The following PRKG1 variants were observed in gnomAD, a reference collection of about 807,000 sequenced individuals.
PRKG1 encodes cGMP-dependent protein kinase 1.
A neutral mutation model predicts 88.1 loss-of-function variants in PRKG1; 35 were observed. The ratio of observed to expected loss-of-function variants is 0.40; its 90% CI spans 0.30 to 0.53. PRKG1 has a LOEUF of 0.53. Among genes scored for constraint, PRKG1 ranks in the 20% least tolerant of loss-of-function variants. PRKG1 has a pLI of 0.59. For missense variants in PRKG1, 540 were observed against 839.8 expected, an observed-to-expected ratio of 0.64 and a Z score of 4.41; for synonymous variants, 303 against 292.5, an observed-to-expected ratio of 1.04 and a Z score of -0.37.
intron 3 of PRKG1, among the ~76,000 whole-genome samples, chr10:51,545,252 A>T (rs1234253531): frequency 6.6e-6 from 1 of 152,114 alleles, no homozygotes. Context: ...ATATATAAAG[A>T]TCAAATTCAA....
At chr10:51,889,840 G>A (rs1172134139) in intron 4 of PRKG1, among the ~76,000 whole-genome samples, 1 of 152,098 alleles carries the variant, frequency 6.6e-6, no homozygotes, top group Non-Finnish European at 1.5e-5. Context: ...GTGTCTGTTG[G>A]CTGCATAAAT....
chr10:51,672,731 T>A (rs1248564395), intron 3 of PRKG1, among the ~76,000 whole-genome samples: 1 of 152,214 alleles, frequency 6.6e-6, no homozygotes. Context: ...CTGAGATATC[T>A]TCACTTGAGT....
At chr10:51,958,572 G>A (rs189691088) in intron 5 of PRKG1, among the ~76,000 whole-genome samples, 21 of 136,826 alleles carry the variant, frequency 1.5e-4, no homozygotes, top group Non-Finnish European at 3.1e-4. Context: ...TCAGTTGGAC[G>A]TCTACAGAGT....
chr10:51,242,284 A>G (rs1298914641), intron 2 of PRKG1, among the ~76,000 whole-genome samples: 1 of 152,180 alleles, frequency 6.6e-6, no homozygotes, highest in Non-Finnish European at 1.5e-5. Context: ...TGTTCAGAAC[A>G]AGAAGATAGA....
chr10:52,178,688 C>A (rs1172706317), intron 9 of PRKG1, among the ~76,000 whole-genome samples: 1 of 152,048 alleles, frequency 6.6e-6, no homozygotes, highest in African/African-American at 2.4e-5. Context: ...GCATTAAATG[C>A]ATATAGATTT....
In PRKG1 at chr10:51,361,217, C is replaced by G. The variant is rs148279409; in HGVS notation, c.479-106506C>G. Among the ~76,000 whole-genome samples, 270 of 152,044 alleles carry G rather than the reference C, an allele frequency of 1.8e-3. 6 individuals are homozygous for G. In the East Asian group the frequency reaches 0.044, roughly 25 times the overall value. ...CCACAGGTGCCACTGCCACCACTAA[C>G]GTCACTGCCATCCTCATTAGCATTT... On this transcript the variant is annotated intron_variant, in intron 2 of 17. Transcript: ENST00000373980.
At chr10:52,039,522 A>G (rs1442107869) in intron 5 of PRKG1, among the ~76,000 whole-genome samples, 2 of 152,118 alleles carry the variant, frequency 1.3e-5, no homozygotes, top group East Asian at 3.9e-4. Context: ...TGCAAATCAC[A>G]GGGGATGCGA....
chr10:51,114,544 C>A lies in PRKG1; in HGVS notation c.312-38620C>A, dbSNP rs562468924. Among the ~76,000 whole-genome samples the A allele has an allele frequency of 4.3e-4, 66 of 152,126 alleles. 2 individuals are homozygous for A. The South Asian group carries it at 8.7e-3, about 20-fold the overall frequency. ...ACAAGAGAAATATAAAGGTAAATAA[C>A]ACTTTTCCTTTTTTCAATTATTCCT... On this transcript the variant is annotated intron_variant, in intron 1 of 17. Transcript: ENST00000373980.
chr10:51,090,578 T>TA lies in PRKG1; in HGVS notation c.311+15684dup, dbSNP rs1259488181. Among the ~76,000 whole-genome samples, 4 of 152,268 alleles carry TA rather than the reference T, an allele frequency of 2.6e-5. No homozygotes were observed. In the East Asian group the frequency reaches 5.8e-4, roughly 22 times the overall value. On this transcript the variant is annotated intron_variant, in intron 1 of 17. Coordinates refer to ENST00000373980, the MANE Select transcript of PRKG1 (RefSeq NM_006258.4). ...TGAGCACTATGTATTTAAACCATGT[T>TA]AAAAAAATCATGAAAATAATTGTAT... is the stretch of plus-strand genomic sequence containing the variant.
chr10:51,074,430 G>A (rs961426747), upstream of PRKG1: 102 of 1,446,536 alleles, frequency 7.1e-5, no homozygotes, highest in Non-Finnish European at 8.8e-5. Context: ...TGGAGCCGGC[G>A]GACTGGGCAT....
At chr10:51,540,655 C>T (rs913579255) in intron 3 of PRKG1, among the ~76,000 whole-genome samples, 1 of 152,086 alleles carries the variant, frequency 6.6e-6, no homozygotes, top group African/African-American at 2.4e-5. Flanking sequence ...TTTAAGTAAT[C>T]ATGACTATTG....
intron 3 of PRKG1, among the ~76,000 whole-genome samples, chr10:51,602,732 ATG>A (rs4041278): frequency 0.013 from 1,629 of 128,844 alleles, 24 homozygotes; most frequent in South Asian, 0.033. Flanking sequence ...ATTAATATAT[ATG>A]TGTGTGTGTG....
At chr10:51,986,491 G>A (rs912422020) in intron 5 of PRKG1, among the ~76,000 whole-genome samples, 1 of 152,196 alleles carries the variant, frequency 6.6e-6, no homozygotes, top group African/African-American at 2.4e-5. Context: ...AGAGATCTGG[G>A]CAAAGTAGGA....
intron 5 of PRKG1, among the ~76,000 whole-genome samples, chr10:51,986,652 G>A (rs1441156446): frequency 6.6e-6 from 1 of 152,166 alleles, no homozygotes; most frequent in East Asian, 1.9e-4. Context: ...ATGGTCTCTA[G>A]ACTTGTGTTA....
chr10:51,881,824 C>T (rs552699644), intron 4 of PRKG1, among the ~76,000 whole-genome samples: 20 of 152,168 alleles, frequency 1.3e-4, no homozygotes, highest in Middle Eastern at 3.4e-3. Flanking sequence ...TTGTAGTCTT[C>T]ACAACAATAT....
intron 2 of PRKG1, among the ~76,000 whole-genome samples, chr10:51,433,480 G>A (rs1231499543): frequency 6.6e-6 from 1 of 152,098 alleles, no homozygotes; most frequent in African/African-American, 2.4e-5. Context: ...TATATGGCTG[G>A]CATTCAATAC....
intron 2 of PRKG1, among the ~76,000 whole-genome samples, chr10:51,255,559 T>C (rs1839536023): frequency 6.6e-6 from 1 of 152,160 alleles, no homozygotes; most frequent in African/African-American, 2.4e-5. Flanking sequence ...GGATTTGGTC[T>C]CTACAAAGCA....
chr10:51,611,233 A>C (rs184789043), intron 3 of PRKG1, among the ~76,000 whole-genome samples: 10 of 152,250 alleles, frequency 6.6e-5, no homozygotes, highest in Admixed American at 6.5e-5. Context: ...ACTAATTTAC[A>C]TTCCCACCAA....
chr10:51,285,080 A>T (rs1487125418), intron 2 of PRKG1, among the ~76,000 whole-genome samples: 2 of 102,718 alleles, frequency 1.9e-5, no homozygotes, highest in East Asian at 6.0e-4. Context: ...CAGAGTGTAT[A>T]TTCCCCTTCC....
Sources: gnomAD v4.1 joint callset for allele counts (sites outside exome capture counted in the v4.1 genomes callset) on GRCh38, gnomAD v4.1.1 for gene constraint, MANE v1.5 for transcripts, NCBI Gene and HGNC (gene_info 2026-07-23, HGNC 2026-07-21) for gene names.